The following DENND5B variants were observed in gnomAD, a reference collection of about 807,000 sequenced individuals.
DENND5B encodes the protein DENN domain-containing protein 5B.
DENND5B carries 34 observed loss-of-function variants against 140.6 expected under a neutral mutation model. That is an observed-to-expected ratio of 0.24 (90% CI 0.18 to 0.32). The LOEUF is 0.32. Among genes scored for constraint, DENND5B ranks in the 10% least tolerant of loss-of-function variants. The probability of loss-of-function intolerance (pLI) is 1.00; values close to 1 mark genes in which losing one functional copy is unlikely to be tolerated. For synonymous variants in DENND5B, 551 were observed against 562.1 expected (o/e 0.98, Z 0.28); for missense variants, 1,142 against 1,560.2 (o/e 0.73, Z 4.52).
At chr12:31,493,450 T>C (rs1400207058) in intron 2 of DENND5B, among the ~76,000 whole-genome samples, 1 of 152,134 alleles carries the variant, frequency 6.6e-6, no homozygotes, top group African/African-American at 2.4e-5. Flanking sequence ...TCCCAGCACT[T>C]TGGGAGGCTG....
At chr12:31,498,246 T>C (rs937569463) in intron 1 of DENND5B, among the ~76,000 whole-genome samples, 3 of 152,150 alleles carry the variant, frequency 2.0e-5, no homozygotes. Context: ...ACATAACCTA[T>C]CATAAAACTC....
chr12:31,494,161 TATCTATCTATCTATCTATCTATCC>T (rs1205869740), intron 2 of DENND5B, among the ~76,000 whole-genome samples: 2 of 71,800 alleles, frequency 2.8e-5, no homozygotes, highest in East Asian at 6.0e-4. Flanking sequence ...TCTATCTATC[TATCTATCTATCTATCTATCTATCC>T]ATCCATCCAT....
Position 31,415,361 on chromosome 12 carries a change from A to AAAT in DENND5B, c.2552+3_2552+5dup, listed in dbSNP as rs1460558726. 4 of 1,599,770 alleles carry AAAT rather than the reference A, an allele frequency of 2.5e-6. No individual in the cohort carries two copies. The African/African-American group carries it at 4.0e-5, about 16-fold the overall frequency. Reference sequence around the variant, plus strand: ...ACATGCTAACACATGTATTAATAACAAATACCTCATGTCCTGAATAAGAGA... The same window carrying AAAT: ...ACATGCTAACACATGTATTAATAACAAATAATACCTCATGTCCTGAATAAGAGA... On this transcript the variant is annotated splice_donor_region_variant and intron_variant, in intron 12 of 20. Coordinates refer to ENST00000389082, the MANE Select transcript of DENND5B (RefSeq NM_144973.4).
intron 1 of DENND5B, among the ~76,000 whole-genome samples, chr12:31,587,243 T>A (rs1950425570): frequency 4.6e-5 from 7 of 152,204 alleles, no homozygotes; most frequent in Admixed American, 4.6e-4. Context: ...CATTTGAATG[T>A]CTAATGGACA....
chr12:31,474,825 A>G (rs1423515776), intron 3 of DENND5B, among the ~76,000 whole-genome samples: 1 of 152,236 alleles, frequency 6.6e-6, no homozygotes, highest in Non-Finnish European at 1.5e-5. Flanking sequence ...CTAATAGAAG[A>G]GACATTGTCA....
chr12:31,397,950 T>C (rs1291946184), intron 17 of DENND5B, among the ~76,000 whole-genome samples: 1 of 152,108 alleles, frequency 6.6e-6, no homozygotes, highest in Non-Finnish European at 1.5e-5. Context: ...AGGTAAAATA[T>C]TTACTCATAT....
Position 31,386,782 on chromosome 12 carries a change from T to C in DENND5B, c.*821A>G, listed in dbSNP as rs766299235. The C allele has an allele frequency of 7.2e-5, 11 of 152,214 alleles. No individual in the cohort carries two copies. Among genetic ancestry groups the C allele is most frequent in the Non-Finnish European group, 1.3e-4 (9 of 68,044 alleles). 9.4% of individuals were successfully genotyped at this position (152,214 alleles called of 1,614,324 possible). On this transcript the variant is annotated 3_prime_UTR_variant, in exon 21 of 21. Transcript: ENST00000389082. ...TTGCTGTTTGCAGTTCTTATCACTA[T>C]GAATCTAACACTGAAATTCACATCT... is the stretch of plus-strand genomic sequence containing the variant.
At chr12:31,551,950 T>C (rs1050610406) in intron 1 of DENND5B, among the ~76,000 whole-genome samples, 4 of 152,140 alleles carry the variant, frequency 2.6e-5, no homozygotes, top group African/African-American at 9.6e-5. Flanking sequence ...CTTATCAGCT[T>C]AAGGAGATTT....
At chr12:31,533,344 T>A (rs555499250) in intron 1 of DENND5B, among the ~76,000 whole-genome samples, 2 of 152,330 alleles carry the variant, frequency 1.3e-5, no homozygotes, top group African/African-American at 2.4e-5. Flanking sequence ...GGCATTTACA[T>A]TGTATTAGCT....
chr12:31,397,254 A>G (rs1244858557), intron 17 of DENND5B, among the ~76,000 whole-genome samples: 2 of 152,100 alleles, frequency 1.3e-5, no homozygotes, highest in African/African-American at 2.4e-5. Flanking sequence ...ATCTCTTAGA[A>G]TAAGAGACAC....
chr12:31,402,952 T>C (rs1941890313), intron 14 of DENND5B, among the ~76,000 whole-genome samples: 1 of 152,196 alleles, frequency 6.6e-6, no homozygotes, highest in South Asian at 2.1e-4. Flanking sequence ...TACCTAAAGA[T>C]GTGAACACTG....
chr12:31,427,810 A>G (rs796465686), intron 8 of DENND5B, among the ~76,000 whole-genome samples: 2 of 152,136 alleles, frequency 1.3e-5, no homozygotes, highest in East Asian at 3.9e-4. Context: ...ACGGGCACAT[A>G]TGTGAAATCT....
At chr12:31,474,274 T>A (rs1322662654) in intron 3 of DENND5B, among the ~76,000 whole-genome samples, 1 of 114,496 alleles carries the variant, frequency 8.7e-6, no homozygotes, top group Admixed American at 8.6e-5. Context: ...TAGACTTCAA[T>A]TATTGGTATC....
At chr12:31,418,005 T>A (rs977223321) in intron 11 of DENND5B, among the ~76,000 whole-genome samples, 5 of 152,206 alleles carry the variant, frequency 3.3e-5, no homozygotes, top group Non-Finnish European at 7.3e-5. Context: ...CGGATCCCTA[T>A]GCTTTTGACA....
rs66507414 is a variant in DENND5B at position 31,418,282 on chromosome 12, C to CTTTTTT, written c.2471-2840_2471-2835dup. 3.8e-5 allele frequency among the ~76,000 whole-genome samples: 5 copies of CTTTTTT among 133,066 alleles called. 1 individual carries two copies. The highest frequency in any genetic ancestry group is 1.6e-4 in the Admixed American group (2 of 12,188). The allele number at this position is 133,066 out of a possible 152,430, so 87.3% of individuals were successfully genotyped here. On this transcript the variant is annotated intron_variant, in intron 11 of 20. Transcript: ENST00000389082. ...AAGAAAGCATATCTTTTTTTCTTTT[C>CTTTTTT]TTTTTTTTTTTTTTTTGAGATAGGG... is the stretch of plus-strand genomic sequence containing the variant.
intron 3 of DENND5B, among the ~76,000 whole-genome samples, chr12:31,470,176 G>A (rs1225474370): frequency 1.5e-5 from 2 of 137,062 alleles, no homozygotes; most frequent in Admixed American, 8.3e-5. Flanking sequence ...GTGCAATGGT[G>A]CGATCTCGGC....
chr12:31,513,425 C>G (rs10843962), intron 1 of DENND5B, among the ~76,000 whole-genome samples: 58,241 of 152,038 alleles, frequency 0.38, 12,006 homozygotes, highest in East Asian at 0.57. Flanking sequence ...AAGTACGTAT[C>G]TACCTCTATC....
At position 31,418,978 on chromosome 12, in the gene DENND5B, T is replaced by C. The variant is rs138339770; in HGVS notation, c.2471-3530A>G. On this transcript the variant is annotated intron_variant, in intron 11 of 20. Transcript: ENST00000389082. ...AACCACACAGTTTGTGGTACTCTAT[T>C]ATGGCAGCCCTAGGAAATGAATGCA... is the stretch of plus-strand genomic sequence containing the variant. Among the ~76,000 whole-genome samples the C allele has an allele frequency of 4.7e-3, 718 of 152,214 alleles. 6 individuals carry two copies. The highest frequency in any genetic ancestry group is 0.016 in the African/African-American group (676 of 41,532).
intron 17 of DENND5B, among the ~76,000 whole-genome samples, chr12:31,394,848 T>C (rs1941349517): frequency 6.6e-6 from 1 of 151,976 alleles, no homozygotes; most frequent in Non-Finnish European, 1.5e-5. Flanking sequence ...CTGCTGACCT[T>C]GTGATCCGCC....
Sources: allele counts gnomAD v4.1 joint callset (sites outside exome capture counted in the v4.1 genomes callset), GRCh38; gene constraint gnomAD v4.1.1; transcripts MANE v1.5; gene names NCBI Gene and HGNC (gene_info 2026-07-23, HGNC 2026-07-21).